OR2T2: variants seen among roughly 807,000 people sequenced by gnomAD.
The protein encoded by OR2T2 is olfactory receptor family 2 subfamily T member 2.
For missense variants in OR2T2, 138 were observed against 409.1 expected, an observed-to-expected ratio of 0.34 and a Z score of 5.72; for synonymous variants, 50 against 162.7, an observed-to-expected ratio of 0.31 and a Z score of 5.27.
rs1662880723 is a variant in OR2T2, at chr1:248,453,879, G to A, written c.*107G>A. The A allele has an allele frequency of 3.1e-5, 46 of 1,469,094 alleles. 2 individuals are homozygous for A. Among genetic ancestry groups the A allele is most frequent in the Non-Finnish European group, 4.2e-5 (45 of 1,074,270 alleles). 91.0% of individuals were successfully genotyped at this position (1,469,094 alleles called of 1,614,324 possible). On this transcript the variant is annotated 3_prime_UTR_variant, in exon 3 of 3. Coordinates refer to ENST00000642130, the Ensembl canonical transcript of OR2T2. The stretch of plus-strand genomic sequence containing the variant: ...GATCAGGAAGGACTAGCAAGGACTA[G>A]CGCAAACATCTGCGGTGCTGCGGCC...
chr1:248,453,746 G>A, exon 3 of OR2T2: 1 of 1,610,556 alleles, frequency 6.2e-7, no homozygotes, highest in Non-Finnish European at 8.5e-7. Flanking sequence ...GAGCATCAGG[G>A]TGGCGACTGT....
chr1:248,451,776 C>CT (rs1160811430), intron 2 of OR2T2, among the ~76,000 whole-genome samples: 1 of 146,818 alleles, frequency 6.8e-6, no homozygotes, highest in Non-Finnish European at 1.5e-5. Context: ...CTGCACCCGA[C>CT]TGTAGTTATT....
In OR2T2 at chr1:248,446,171, T is replaced by TC. The variant is rs1662641488; in HGVS notation, c.-245-418_-245-417insC. Among the ~76,000 whole-genome samples, 8 of 124,450 alleles carry TC rather than the reference T, an allele frequency of 6.4e-5. 1 individual carries two copies. The highest frequency in any genetic ancestry group is 2.6e-4 in the African/African-American group (8 of 31,290). 81.6% of individuals were successfully genotyped at this position (124,450 alleles called of 152,430 possible). ...GCTTGGAGGGAAATCATGATTTTTT[T>TC]TTTTCATTTTAACCTCCTTCCTCTT... On this transcript the variant is annotated intron_variant, in intron 1 of 2. Coordinates refer to ENST00000642130, the Ensembl canonical transcript of OR2T2.
exon 3 of OR2T2, chr1:248,454,032 G>C (rs1662885614): frequency 2.5e-6 from 1 of 401,866 alleles, no homozygotes; most frequent in Admixed American, 4.5e-5. Context: ...TAGCGAAGTT[G>C]GTGAGCATCT....
In OR2T2 at chr1:248,453,182, A is replaced by G. The variant is rs1380737251; in HGVS notation, c.385A>G (p.Asn129Asp). The G allele has an allele frequency of 1.9e-6, 3 of 1,611,506 alleles. No homozygotes were observed. In the East Asian group the frequency reaches 6.7e-5, roughly 36 times the overall value. Residue 129 changes from asparagine (N) to aspartate (D), a missense_variant, in exon 3 of 3, where the codon AAC (asparagine) becomes GAC (aspartate). Transcript: ENST00000642130. ...CTATGACCGCTATGTGGCTGTGTGC[A>G]ACCCTCTACGGTACCCTCTCCTCAT...
At chr1:248,455,034 G>C (rs1345806369) in exon 3 of OR2T2, 1 of 151,432 alleles carries the variant, frequency 6.6e-6, no homozygotes, top group Non-Finnish European at 1.5e-5. Context: ...GTTGGAGTTA[G>C]GTGTGGTGCT....
chr1:248,453,521 T>C, exon 3 of OR2T2: 1 of 1,571,946 alleles, frequency 6.4e-7, no homozygotes, highest in Non-Finnish European at 8.7e-7. Context: ...CTTTGCTACG[T>C]GTTCCTCCCA....
chr1:248,450,133 A>G (rs1416830641), intron 2 of OR2T2, among the ~76,000 whole-genome samples: 2 of 149,264 alleles, frequency 1.3e-5, no homozygotes, highest in Admixed American at 1.3e-4. Context: ...GCATTTGAAC[A>G]TGTCACATTT....
intron 2 of OR2T2, among the ~76,000 whole-genome samples, chr1:248,449,939 T>G (rs1212114965): frequency 1.5e-5 from 2 of 137,630 alleles, no homozygotes; most frequent in Non-Finnish European, 1.5e-5. Flanking sequence ...GAATCTAGGA[T>G]CTTGTATGTG....
At chr1:248,447,904 G>T (rs916489) in intron 2 of OR2T2, among the ~76,000 whole-genome samples, 1 of 147,686 alleles carries the variant, frequency 6.8e-6, no homozygotes, top group Non-Finnish European at 1.5e-5. Flanking sequence ...ACCATGTGTA[G>T]AAAATATTAA....
exon 3 of OR2T2, chr1:248,455,055 TG>T (rs1224838298): frequency 1.3e-5 from 2 of 151,644 alleles, no homozygotes; most frequent in African/African-American, 2.4e-5. Context: ...TTGATAGATG[TG>T]TAACTTTGGT....
exon 3 of OR2T2, chr1:248,453,943 G>A (rs1456995517): frequency 1.5e-5 from 10 of 687,030 alleles, no homozygotes; most frequent in African/African-American, 4.2e-5. Context: ...TATTGGTTCT[G>A]AAGAATGTTC....
chr1:248,453,005 A>G lies in OR2T2; in HGVS notation c.208A>G (p.Met70Val), dbSNP rs147503636. 1.4e-4 allele frequency: 222 copies of G among 1,612,922 alleles called. No individual in the cohort carries two copies. The African/African-American group carries it at 2.6e-3, about 19-fold the overall frequency. The change falls in exon 3 of 3, where the codon ATG becomes GTG. Residue 70 changes from methionine to valine, a missense_variant. Physicochemically the swap from Met to Val is conservative, Grantham distance 21 (BLOSUM62 1). Coordinates refer to ENST00000642130, the Ensembl canonical transcript of OR2T2. Reference sequence around the variant, plus strand: ...CTTCTTGCTCAGCCAGCTCTCCATCATGGATACCATCTACATCTGTATCAC... The same window carrying G: ...CTTCTTGCTCAGCCAGCTCTCCATCGTGGATACCATCTACATCTGTATCAC...
intron 1 of OR2T2, among the ~76,000 whole-genome samples, chr1:248,445,904 AAT>A (rs1358749997): frequency 6.7e-6 from 1 of 148,386 alleles, no homozygotes; most frequent in African/African-American, 2.6e-5. Flanking sequence ...AGGGAAATGT[AAT>A]AGTTTAGAAG....
intron 2 of OR2T2, among the ~76,000 whole-genome samples, chr1:248,447,070 G>A (rs1464353384): frequency 6.6e-6 from 1 of 151,996 alleles, no homozygotes; most frequent in Non-Finnish European, 1.5e-5. Flanking sequence ...CAGATAAAGG[G>A]GGGTGGTAAC....
At chr1:248,455,391 A>G (rs1662913533) in exon 3 of OR2T2, 1 of 57,266 alleles carries the variant, frequency 1.7e-5, no homozygotes, top group Non-Finnish European at 3.6e-5. Context: ...AAGGTTCCTA[A>G]TAATTTGATC....
intron 2 of OR2T2, among the ~76,000 whole-genome samples, chr1:248,450,969 A>AT (rs1223433642): frequency 1.8e-4 from 14 of 79,468 alleles, no homozygotes; most frequent in East Asian, 6.0e-4. Context: ...ATGCTCATGT[A>AT]TTTTTTTCTC....
At chr1:248,450,177 A>AT (rs1662760759) in intron 2 of OR2T2, among the ~76,000 whole-genome samples, 1 of 146,156 alleles carries the variant, frequency 6.8e-6, no homozygotes, top group African/African-American at 2.7e-5. Context: ...AAATGGGTGA[A>AT]TTGCTCGTTT....
rs550312015 is a variant in OR2T2, at chr1:248,446,826, A to G, written c.-23+15A>G. On this transcript the variant is annotated intron_variant, in intron 2 of 2. Coordinates refer to ENST00000642130, the Ensembl canonical transcript of OR2T2. ...ATGTAGTTTAGGTAAGTTGGCATGT[A>G]GCATTAAAACCTGTATTCTTCAAAC... is the stretch of plus-strand genomic sequence containing the variant. The G allele has an allele frequency of 2.0e-5, 3 of 148,822 alleles. No individual in the cohort carries two copies. The East Asian group carries it at 5.8e-4, about 29-fold the overall frequency. The allele number at this position is 148,822 out of a possible 1,614,324, so 9.2% of individuals were successfully genotyped here.
Sources: gnomAD v4.1 joint callset for allele counts (sites outside exome capture counted in the v4.1 genomes callset) on GRCh38, gnomAD v4.1.1 for gene constraint, MANE v1.5 for transcripts, NCBI Gene and HGNC (gene_info 2026-07-23, HGNC 2026-07-21) for gene names.